Variants in SGCD observed in about 807,000 individuals in gnomAD.
SGCD encodes the protein delta-sarcoglycan.
In SGCD, 18 loss-of-function variants were observed where a neutral mutation model predicts 36.6. The observed-to-expected ratio is 0.49, with a 90% CI of 0.34 to 0.73. The LOEUF (loss-of-function observed/expected upper bound fraction) is 0.73. SGCD is among the 30% of genes least tolerant of loss of function. The probability of loss-of-function intolerance (pLI) is 0.01; values close to 1 mark genes in which losing one functional copy is unlikely to be tolerated. For synonymous variants in SGCD, 133 were observed against 130.6 expected (o/e 1.02, Z -0.12); for missense variants, 387 against 346.7 (o/e 1.12, Z -0.92).
chr5:156,291,992 T>C (rs1298892155), intron 3 of SGCD, among the ~76,000 whole-genome samples: 1 of 152,072 alleles, frequency 6.6e-6, no homozygotes, highest in East Asian at 1.9e-4. Flanking sequence ...TTGAAAAACA[T>C]CTTCCCAACC....
chr5:155,978,842 G>T (rs1006760657), intron 1 of SGCD, among the ~76,000 whole-genome samples: 1 of 151,886 alleles, frequency 6.6e-6, no homozygotes, highest in Admixed American at 6.6e-5. Flanking sequence ...AAAAAAAAGA[G>T]TTAAGGTGGA....
intron 7 of SGCD, among the ~76,000 whole-genome samples, chr5:156,652,744 G>A (rs973211634): frequency 6.6e-6 from 1 of 151,882 alleles, no homozygotes; most frequent in African/African-American, 2.4e-5. Context: ...TCTTATATTT[G>A]GGGGGTATGT....
chr5:156,353,960 G>A (rs1769379367), intron 3 of SGCD, among the ~76,000 whole-genome samples: 1 of 152,150 alleles, frequency 6.6e-6, no homozygotes, highest in African/African-American at 2.4e-5. Context: ...AATCAAAGCT[G>A]CTGTAAAGTT....
At chr5:156,265,703 G>A (rs1429718538) in intron 3 of SGCD, among the ~76,000 whole-genome samples, 1 of 151,564 alleles carries the variant, frequency 6.6e-6, no homozygotes, top group Non-Finnish European at 1.5e-5. Flanking sequence ...TTCTCAAAGA[G>A]GATATAGTGA....
chr5:156,006,016 G>A (rs1298421168), intron 1 of SGCD, among the ~76,000 whole-genome samples: 3 of 152,148 alleles, frequency 2.0e-5, no homozygotes, highest in Non-Finnish European at 4.4e-5. Flanking sequence ...TCTCTCTTCT[G>A]TAAAACCAGA....
At chr5:156,624,291 C>T (rs1372772689) in intron 6 of SGCD, among the ~76,000 whole-genome samples, 4 of 152,114 alleles carry the variant, frequency 2.6e-5, no homozygotes, top group Non-Finnish European at 4.4e-5. Context: ...ACATCAAAAA[C>T]CACTCTTGGG....
At chr5:156,089,690 C>T (rs148214308) in intron 1 of SGCD, among the ~76,000 whole-genome samples, 1 of 152,236 alleles carries the variant, frequency 6.6e-6, no homozygotes, top group African/African-American at 2.4e-5. Flanking sequence ...TATTGCACAC[C>T]CCTAGTGGGT....
At chr5:156,277,770 T>C (rs1314598399) in intron 3 of SGCD, among the ~76,000 whole-genome samples, 3 of 152,196 alleles carry the variant, frequency 2.0e-5, no homozygotes, top group African/African-American at 7.2e-5. Context: ...CCGTTATGCT[T>C]AAGAGACTTA....
chr5:155,784,118 C>T, the SGCD span, among the ~76,000 whole-genome samples: 543 of 152,302 alleles, frequency 3.6e-3, 4 homozygotes, highest in African/African-American at 0.012. Context: ...CCATATGCCA[C>T]GTAGGGACTG....
chr5:155,959,898 A>T (rs1355972393), intron 1 of SGCD, among the ~76,000 whole-genome samples: 1 of 152,094 alleles, frequency 6.6e-6, no homozygotes, highest in Non-Finnish European at 1.5e-5. Context: ...TCAAGGTTAC[A>T]TGCTAGTCGA....
chr5:156,501,070 G>T lies in SGCD; in HGVS notation c.193-7531G>T, dbSNP rs571510345. On this transcript the variant is annotated intron_variant, in intron 3 of 8. Coordinates refer to ENST00000337851, the MANE Select transcript of SGCD (RefSeq NM_000337.6). ...CCTGGAGAAGGGAAACTTTGGCGAGGCTGGAGTGCTACAGCCATTTCCTTT... is the reference window on the plus strand; with the variant it reads ...CCTGGAGAAGGGAAACTTTGGCGAGTCTGGAGTGCTACAGCCATTTCCTTT... Among the ~76,000 whole-genome samples, 13 of 152,278 alleles carry T rather than the reference G, an allele frequency of 8.5e-5. No individual in the cohort carries two copies. In the South Asian group the frequency reaches 1.9e-3, roughly 22 times the overall value.
At chr5:156,386,463 T>C (rs1330184094) in intron 3 of SGCD, among the ~76,000 whole-genome samples, 1 of 152,264 alleles carries the variant, frequency 6.6e-6, no homozygotes, top group East Asian at 1.9e-4. Context: ...ATTATCACAT[T>C]GAATGGATGA....
chr5:156,615,057 A>T (rs1227687552), intron 6 of SGCD, among the ~76,000 whole-genome samples: 1 of 152,262 alleles, frequency 6.6e-6, no homozygotes, highest in Non-Finnish European at 1.5e-5. Flanking sequence ...TAAAGTTAGT[A>T]TGCAAGATGA....
At chr5:156,229,297 T>TACACGTATATATATATATATATAA (rs757678815) in intron 3 of SGCD, among the ~76,000 whole-genome samples, 2 of 119,880 alleles carry the variant, frequency 1.7e-5, no homozygotes, top group East Asian at 2.4e-4. Flanking sequence ...TATATATATA[T>TACACGTATATATATATATATATAA]ATAAAATTAG....
At chr5:156,707,523 C>G (rs1229506272) in intron 7 of SGCD, among the ~76,000 whole-genome samples, 1 of 151,966 alleles carries the variant, frequency 6.6e-6, no homozygotes, top group Non-Finnish European at 1.5e-5. Flanking sequence ...CCAAAATGAA[C>G]AAAATCAAAT....
Position 156,020,075 on chromosome 5 carries a change from C to T in SGCD, c.-281-97803C>T, listed in dbSNP as rs546408154. 4.6e-5 allele frequency among the ~76,000 whole-genome samples: 7 copies of T among 152,284 alleles called. No individual in the cohort carries two copies. In the East Asian group the frequency reaches 1.2e-3, roughly 25 times the overall value. ...GATTTTCCATGTCACTTGCCCAGAT[C>T]GACTGTAAAACATTTCCTGATCCTT... On this transcript the variant is annotated intron_variant, in intron 1 of 9. Coordinates refer to the SGCD transcript ENST00000517913.
chr5:156,008,758 C>T (rs1429515527), intron 1 of SGCD, among the ~76,000 whole-genome samples: 2 of 152,186 alleles, frequency 1.3e-5, no homozygotes, highest in Non-Finnish European at 2.9e-5. Flanking sequence ...TAATTAATTA[C>T]ATCTACAGAA....
chr5:156,647,776 G>C (rs1171069861), intron 7 of SGCD, among the ~76,000 whole-genome samples: 1 of 152,136 alleles, frequency 6.6e-6, no homozygotes, highest in East Asian at 1.9e-4. Context: ...TCATTCATTT[G>C]GAATGTTTGT....
chr5:156,250,044 G>A (rs1359572542), intron 3 of SGCD, among the ~76,000 whole-genome samples: 1 of 152,196 alleles, frequency 6.6e-6, no homozygotes, highest in African/African-American at 2.4e-5. Flanking sequence ...TTTGTGTGAT[G>A]TGGCTGTCTC....
Sources: allele counts gnomAD v4.1 joint callset (sites outside exome capture counted in the v4.1 genomes callset), GRCh38; gene constraint gnomAD v4.1.1; transcripts MANE v1.5; gene names NCBI Gene and HGNC (gene_info 2026-07-23, HGNC 2026-07-21).